Variants in NAV1 observed in about 807,000 individuals in gnomAD.
NAV1 encodes neuron navigator 1.
Under a neutral mutation model 175.2 loss-of-function variants are expected in NAV1, and 18 were observed. The ratio of observed to expected loss-of-function variants is 0.10; its 90% confidence interval spans 0.07 to 0.15. The LOEUF is 0.15. NAV1 is among the 10% of genes least tolerant of loss of function. NAV1 has a pLI of 1.00. For missense variants in NAV1, 1,731 were observed against 2,436.6 expected (o/e 0.71, Z 6.10); for synonymous variants, 897 against 978.7 (o/e 0.92, Z 1.56).
At chr1:201,662,885 C>G (rs1406006342) in intron 1 of NAV1, among the ~76,000 whole-genome samples, 1 of 93,572 alleles carries the variant, frequency 1.1e-5, no homozygotes, top group Non-Finnish European at 2.3e-5. Flanking sequence ...TGTGCATTTA[C>G]AAGCCCCCTG....
intron 24 of NAV1, 104 bp from the exon 29 acceptor site, chr1:201,811,499 C>G: frequency 7.1e-7 from 1 of 1,401,536 alleles, no homozygotes; most frequent in East Asian, 2.3e-5. Flanking sequence ...ACTAAAGGCC[C>G]CAGGGGAATC....
exon 1 of NAV1, chr1:201,648,528 C>A: frequency 8.0e-7 from 1 of 1,245,198 alleles, no homozygotes; most frequent in East Asian, 3.2e-5. Context: ...TCTCCCCCTT[C>A]TCTCCCCTTC....
chr1:201,623,726 C>A (rs757624853), intron 1 of NAV1, 120 bp downstream of exon 3: 1 of 942,768 alleles, frequency 1.1e-6, no homozygotes, highest in Non-Finnish European at 1.3e-6. Context: ...GGGCCCCAGG[C>A]GATACAAAAA....
intron 1 of NAV1, among the ~76,000 whole-genome samples, chr1:201,674,862 C>A (rs771190371): frequency 6.6e-6 from 1 of 151,968 alleles, no homozygotes; most frequent in Non-Finnish European, 1.5e-5. Context: ...CATGGTGAAA[C>A]CCAATCTCTA....
At chr1:201,671,272 T>C (rs934294738) in intron 1 of NAV1, among the ~76,000 whole-genome samples, 2 of 152,164 alleles carry the variant, frequency 1.3e-5, no homozygotes, top group African/African-American at 4.8e-5. Context: ...GCCATCTCCC[T>C]GTATGACATT....
At chr1:201,823,412 CAA>C (rs1460261598) in exon 30 of NAV1, 2 of 152,508 alleles carry the variant, frequency 1.3e-5, no homozygotes, top group East Asian at 1.9e-4. Context: ...CTCACACACA[CAA>C]GAGCAGTTTG....
chr1:201,774,600 G>A (rs192224682), intron 3 of NAV1, among the ~76,000 whole-genome samples: 58 of 152,142 alleles, frequency 3.8e-4, no homozygotes, highest in Non-Finnish European at 7.1e-4. Context: ...TGACCAGCCC[G>A]GGCAACATAG....
At chr1:201,775,884 C>T (rs1042080111) in intron 3 of NAV1, among the ~76,000 whole-genome samples, 19 of 151,736 alleles carry the variant, frequency 1.3e-4, no homozygotes, top group Non-Finnish European at 2.6e-4. Context: ...ATAGTGAGAC[C>T]CTGGCTCTAC....
chr1:201,565,217 T>G (rs1440294956), intron 1 of NAV1, among the ~76,000 whole-genome samples: 1 of 152,252 alleles, frequency 6.6e-6, no homozygotes, highest in East Asian at 1.9e-4. Context: ...GTAAGGTGAC[T>G]GGCACATACT....
intron 3 of NAV1, chr1:201,739,856 C>A: frequency 7.8e-7 from 1 of 1,277,634 alleles, no homozygotes; most frequent in Admixed American, 4.2e-5. Flanking sequence ...TAAGTACAAG[C>A]CCTGGTGGTG....
chr1:201,772,875 T>C (rs972091798), intron 3 of NAV1, among the ~76,000 whole-genome samples: 4 of 151,916 alleles, frequency 2.6e-5, no homozygotes, highest in Non-Finnish European at 4.4e-5. Context: ...CTACTAAAAA[T>C]ACAAAAAATT....
chr1:201,637,712 C>T (rs1668647645), intron 2 of NAV1, among the ~76,000 whole-genome samples: 1 of 152,172 alleles, frequency 6.6e-6, no homozygotes, highest in African/African-American at 2.4e-5. Context: ...TTTGCTTGTC[C>T]CCATCCAACA....
intron 3 of NAV1, among the ~76,000 whole-genome samples, chr1:201,729,623 G>T (rs61821710): frequency 0.14 from 21,525 of 151,378 alleles, 1,903 homozygotes; most frequent in East Asian, 0.36. Flanking sequence ...ATAACACTTG[G>T]TGGCCAGGTG....
intron 1 of NAV1, among the ~76,000 whole-genome samples, chr1:201,626,591 T>C (rs1359662804): frequency 6.6e-6 from 1 of 152,130 alleles, no homozygotes; most frequent in East Asian, 1.9e-4. Context: ...TTCCATCACA[T>C]CCTCAACCTC....
At chr1:201,586,636 G>C (rs911199265) in intron 1 of NAV1, among the ~76,000 whole-genome samples, 3 of 152,080 alleles carry the variant, frequency 2.0e-5, no homozygotes, top group Non-Finnish European at 4.4e-5. Context: ...AGGCACACAT[G>C]GGGGTGGGAG....
At chr1:201,749,793 C>T (rs963800850) in intron 3 of NAV1, among the ~76,000 whole-genome samples, 4 of 152,112 alleles carry the variant, frequency 2.6e-5, no homozygotes, top group African/African-American at 9.7e-5. Context: ...CCTGGCTACT[C>T]AGGAGGCTGA....
chr1:201,702,111 G>A lies in NAV1; in HGVS notation c.758-10706G>A, dbSNP rs1052248978. On this transcript the variant is annotated intron_variant, in intron 1 of 29. Coordinates refer to ENST00000367296, the Ensembl canonical transcript of NAV1. Reference sequence around the variant, plus strand: ...GAACCTTGAGAACGTTGTGCTAAGTGGAAGAAGCCAGATGCAAAAGGCCAC... The same window carrying A: ...GAACCTTGAGAACGTTGTGCTAAGTAGAAGAAGCCAGATGCAAAAGGCCAC... Among the ~76,000 whole-genome samples, 3 of 152,166 alleles carry A rather than the reference G, an allele frequency of 2.0e-5. No individual in the cohort carries two copies. The East Asian group carries it at 5.8e-4, about 29-fold the overall frequency.
At chr1:201,619,232 C>T (rs1668087832), upstream of NAV1, among the ~76,000 whole-genome samples, 1 of 152,256 alleles carries the variant, frequency 6.6e-6, no homozygotes, top group South Asian at 2.1e-4. Flanking sequence ...GGAGACGCAG[C>T]CTCCTCAGCC....
At chr1:201,570,221 C>G (rs914067128) in intron 1 of NAV1, among the ~76,000 whole-genome samples, 5 of 152,178 alleles carry the variant, frequency 3.3e-5, no homozygotes, top group African/African-American at 9.7e-5. Flanking sequence ...GTAGGCTGTG[C>G]CCAGGGCTGC....
Sources: gnomAD v4.1 joint callset for allele counts (sites outside exome capture counted in the v4.1 genomes callset) on GRCh38, gnomAD v4.1.1 for gene constraint, MANE v1.5 for transcripts, NCBI Gene and HGNC (gene_info 2026-07-23, HGNC 2026-07-21) for gene names.